Variants in SBF1 observed in about 807,000 individuals in gnomAD.
SBF1 encodes the protein myotubularin-related protein 5.
A neutral mutation model predicts 215.8 loss-of-function variants in SBF1; 65 were observed. That is an observed-to-expected ratio of 0.30 (90% CI 0.25 to 0.37). The LOEUF (loss-of-function observed/expected upper bound fraction) is 0.37. Among genes scored for constraint, SBF1 ranks in the 10% least tolerant of loss-of-function variants. The pLI is 1.00. For missense variants in SBF1, 2,634 were observed against 2,667.8 expected, an observed-to-expected ratio of 0.99 and a Z score of 0.28; for synonymous variants, 1,410 against 1,122.8, an observed-to-expected ratio of 1.26 and a Z score of -5.11.
chr22:50,460,970 G>A (rs560963188), intron 23 of SBF1, among the ~76,000 whole-genome samples, 189 bp downstream of exon 23: 2 of 152,374 alleles, frequency 1.3e-5, no homozygotes, highest in South Asian at 2.1e-4. Context: ...GAAAGGACAA[G>A]GACCCAAAGA....
Position 50,463,682 on chromosome 22 carries a change from G to A in SBF1, c.1750-250C>T, listed in dbSNP as rs550323061. Among the ~76,000 whole-genome samples the A allele has an allele frequency of 1.0e-4, 16 of 152,388 alleles. No individual in the cohort carries two copies. The South Asian group carries it at 2.7e-3, about 26-fold the overall frequency. Reference sequence around the variant, plus strand: ...GTGAGCTGGCAGGGAGGTGCGCTCCGGAGGGAGGCCTTGCGGGCCGGGCCC... The same window carrying A: ...GTGAGCTGGCAGGGAGGTGCGCTCCAGAGGGAGGCCTTGCGGGCCGGGCCC... On this transcript the variant is annotated intron_variant, in intron 15 of 40. Coordinates refer to ENST00000380817, the MANE Select transcript of SBF1 (RefSeq NM_002972.4).
At chr22:50,447,648 T>A (rs761219570) in intron 38 of SBF1, 39 bp from the exon 39 acceptor site, 1 of 1,487,906 alleles carries the variant, frequency 6.7e-7, no homozygotes, top group Non-Finnish European at 9.3e-7. Context: ...CTGACCGTCA[T>A]GGCCCAGCCA....
At chr22:50,466,533 G>T in intron 6 of SBF1, 51 bp from the exon 7 acceptor site, 2 of 1,530,116 alleles carry the variant, frequency 1.3e-6, no homozygotes, top group Non-Finnish European at 1.8e-6. Flanking sequence ...CACCCAGGCA[G>T]AGTGAGAACC....
At chr22:50,460,787 T>TC in intron 23 of SBF1, 75 bp from the exon 24 acceptor site, 2 of 1,462,760 alleles carry the variant, frequency 1.4e-6, no homozygotes, top group South Asian at 2.4e-5. Flanking sequence ...ACTGCCAGGC[T>TC]CCCCTTCCCC....
At chr22:50,471,324 C>T (rs1209318321) in intron 1 of SBF1, among the ~76,000 whole-genome samples, 6 of 152,234 alleles carry the variant, frequency 3.9e-5, no homozygotes, top group Non-Finnish European at 7.3e-5. Flanking sequence ...GACGGCAGGC[C>T]TGAAAGGCGG....
rs1569513408 is a variant in SBF1 at position 50,464,994 on chromosome 22, G to A, written c.1332+7C>T. On this transcript the variant is annotated splice_region_variant and intron_variant, in intron 12 of 40. Coordinates refer to ENST00000380817, the MANE Select transcript of SBF1 (RefSeq NM_002972.4). Reference sequence around the variant, plus strand: ...CAGGGGGCTGGGAGGGCAGGGTGGAGGTGCACCTCATCGAACAGGTCCGTA... The same window carrying A: ...CAGGGGGCTGGGAGGGCAGGGTGGAAGTGCACCTCATCGAACAGGTCCGTA... 1.2e-6 allele frequency: 2 copies of A among 1,613,948 alleles called. No homozygotes were observed. The highest frequency in any genetic ancestry group is 1.7e-5 in the Admixed American group (1 of 60,024).
In SBF1 at chr22:50,465,805, G is replaced by A. The variant is rs1569513660; in HGVS notation, c.1047C>T (p.Ala349=). The change falls in exon 10 of 41, where the codon GCC becomes GCT. Residue 349 remains alanine (A), a synonymous_variant. Transcript: ENST00000380817. ...LDPELELADL[A]FPPPTTSTSS... Reference sequence around the variant, plus strand: ...AGGTGGATGTCGTGGGCGGAGGGAAGGCGAGGTCAGCCAACTCCAGCTCCG... The same window carrying A: ...AGGTGGATGTCGTGGGCGGAGGGAAAGCGAGGTCAGCCAACTCCAGCTCCG... 6.2e-7 allele frequency: 1 copy of A among 1,611,894 alleles called. No homozygotes were observed. Among genetic ancestry groups the A allele is most frequent in the Non-Finnish European group, 8.5e-7 (1 of 1,179,460 alleles).
chr22:50,459,871 G>T, intron 26 of SBF1, 81 bp downstream of exon 26: 1 of 1,505,562 alleles, frequency 6.6e-7, no homozygotes, highest in Non-Finnish European at 9.2e-7. Flanking sequence ...ATGACCAGAA[G>T]CCGTGGCCCA....
intron 1 of SBF1, among the ~76,000 whole-genome samples, chr22:50,474,168 G>A (rs1028058942): frequency 1.3e-5 from 2 of 152,230 alleles, no homozygotes; most frequent in African/African-American, 4.8e-5. Flanking sequence ...TGCAGGGCCT[G>A]GACCGTCAGG....
At chr22:50,457,813 A>T (rs538943807) in intron 28 of SBF1, among the ~76,000 whole-genome samples, 21 of 152,304 alleles carry the variant, frequency 1.4e-4, no homozygotes, top group African/African-American at 5.1e-4. Flanking sequence ...CTGCTTCTGC[A>T]AGGCCCGAGG....
chr22:50,466,681 C>T lies in SBF1; in HGVS notation c.579G>A (p.Arg193=). 1 of 1,545,630 alleles carries T rather than the reference C, an allele frequency of 6.5e-7. No homozygotes were observed. The highest frequency in any genetic ancestry group is 8.7e-7 in the Non-Finnish European group (1 of 1,143,270). Residue 193 remains arginine (R), a synonymous_variant, in exon 6 of 41, where the codon CGG becomes CGA. Transcript: ENST00000380817. ...QRTISLGAGD[R]QVIQTPLADS... ...CGGCCAGTGGAGTCTGGATGACCTG[C>T]CGGTCACCAGCCCCCAAAGAGATCG... is the stretch of plus-strand genomic sequence containing the variant.
chr22:50,466,623 G>A lies in SBF1; in HGVS notation c.637C>T (p.Leu213=). 1.3e-6 allele frequency: 2 copies of A among 1,552,754 alleles called. No homozygotes were observed. The highest frequency in any genetic ancestry group is 1.7e-6 in the Non-Finnish European group (2 of 1,147,750). The change falls in exon 6 of 41, where the codon CTG becomes TTG. Residue 213 remains leucine (L), a synonymous_variant. Coordinates refer to ENST00000380817, the MANE Select transcript of SBF1 (RefSeq NM_002972.4). ...SLPVSRCSVA[L]LFRQLGITNV... ...GGCTCACCTAGCTGGCGGAAGAGCA[G>A]GGCCACGCTGCAGCGGCTGACGGGC...
At chr22:50,463,478 C>G (rs1299583806) in intron 15 of SBF1, 46 bp from the exon 16 acceptor site, 1 of 1,497,358 alleles carries the variant, frequency 6.7e-7, no homozygotes, top group East Asian at 2.4e-5. Context: ...CAGAGAAGAC[C>G]CACTCGGGGC....
chr22:50,466,347 C>A lies in SBF1; in HGVS notation c.788+3G>T, dbSNP rs1186208967. The A allele has an allele frequency of 3.8e-6, 6 of 1,577,008 alleles. No individual in the cohort carries two copies. The highest frequency in any genetic ancestry group is 5.2e-6 in the Non-Finnish European group (6 of 1,161,476). On this transcript the variant is annotated splice_donor_region_variant and intron_variant, in intron 7 of 40. Transcript: ENST00000380817. ...GGGGCTGGGAGGGCCGGGCAGGGGT[C>A]ACCTGTATCTGAGAGGAAACAGCAG...
At chr22:50,471,763 G>T (rs917649392) in intron 1 of SBF1, among the ~76,000 whole-genome samples, 9 of 152,158 alleles carry the variant, frequency 5.9e-5, no homozygotes, top group Non-Finnish European at 1.3e-4. Flanking sequence ...GGTGGAGGCT[G>T]GGAGGCAGTT....
chr22:50,455,602 C>G lies in SBF1; in HGVS notation c.4267-20G>C. On this transcript the variant is annotated intron_variant, in intron 31 of 40. Transcript: ENST00000380817. ...GTGGATCTGCAGGGACAGGCGGCCT[C>G]AGCACCTCGGGGACCCACCGCCCTC... 1 of 1,554,150 alleles carries G rather than the reference C, an allele frequency of 6.4e-7. No homozygotes were observed. Among genetic ancestry groups the G allele is most frequent in the Non-Finnish European group, 8.7e-7 (1 of 1,148,146 alleles).
rs546715762 is a variant in SBF1 at position 50,471,630 on chromosome 22, C to T, written c.55+3156G>A. Among the ~76,000 whole-genome samples the T allele has an allele frequency of 1.3e-4, 20 of 152,260 alleles. No homozygotes were observed. The South Asian group carries it at 2.9e-3, about 22-fold the overall frequency. ...AACCCCAACGTGCACATGGCTCCCT[C>T]GGCCGCAGCAGCAGGCCATGCGCAG... On this transcript the variant is annotated intron_variant, in intron 1 of 40. Coordinates refer to ENST00000380817, the MANE Select transcript of SBF1 (RefSeq NM_002972.4).
At chr22:50,470,977 G>T (rs997441533) in intron 1 of SBF1, among the ~76,000 whole-genome samples, 1 of 152,190 alleles carries the variant, frequency 6.6e-6, no homozygotes, top group Non-Finnish European at 1.5e-5. Flanking sequence ...CCAGGGGGAT[G>T]TGGGGGGTTT....
intron 28 of SBF1, 171 bp from the exon 29 acceptor site, chr22:50,457,282 G>A: frequency 2.0e-6 from 1 of 500,166 alleles, no homozygotes; most frequent in Non-Finnish European, 3.4e-6. Context: ...ATCCTGGTGT[G>A]GGCCTCTCTG....
Sources: gnomAD v4.1 joint callset for allele counts (sites outside exome capture counted in the v4.1 genomes callset) on GRCh38, gnomAD v4.1.1 for gene constraint, MANE v1.5 for transcripts, NCBI Gene and HGNC (gene_info 2026-07-23, HGNC 2026-07-21) for gene names.